AKAP12: variants seen among roughly 807,000 people sequenced by gnomAD.
AKAP12 encodes A-kinase anchor protein 12.
A neutral mutation model predicts 79.9 loss-of-function variants in AKAP12; 32 were observed. The ratio of observed to expected loss-of-function variants is 0.40; its 90% confidence interval spans 0.30 to 0.54. The LOEUF is 0.54. AKAP12 is among the 20% of genes least tolerant of loss of function. The pLI, the probability that AKAP12 is intolerant of heterozygous loss-of-function variation, is 0.48. For synonymous variants in AKAP12, 808 were observed against 857.0 expected (o/e 0.94, Z 1.00); for missense variants, 2,074 against 2,177.0 (o/e 0.95, Z 0.94).
intron 2 of AKAP12, among the ~76,000 whole-genome samples, chr6:151,245,788 T>C (rs1797063435): frequency 6.6e-6 from 1 of 152,170 alleles, no homozygotes; most frequent in African/African-American, 2.4e-5. Flanking sequence ...CTTAAATTTA[T>C]AAGTAGGGTA....
At chr6:151,258,455 T>A (rs188198593) in intron 2 of AKAP12, among the ~76,000 whole-genome samples, 1 of 152,194 alleles carries the variant, frequency 6.6e-6, no homozygotes, top group Non-Finnish European at 1.5e-5. Flanking sequence ...GACAGTCTCA[T>A]AGAAAAGCAA....
intron 2 of AKAP12, among the ~76,000 whole-genome samples, chr6:151,277,405 T>C (rs1372116018): frequency 6.6e-6 from 1 of 152,176 alleles, no homozygotes; most frequent in African/African-American, 2.4e-5. Flanking sequence ...TACTCCTCTT[T>C]AAGAAGTGTT....
chr6:151,259,489 CACAT>C (rs1354932867), intron 2 of AKAP12, among the ~76,000 whole-genome samples: 2 of 74,832 alleles, frequency 2.7e-5, no homozygotes, highest in South Asian at 7.9e-4. Context: ...TATATACACA[CACAT>C]ATACATGTAT....
At chr6:151,286,999 C>A (rs917267030) in intron 2 of AKAP12, among the ~76,000 whole-genome samples, 2 of 151,214 alleles carry the variant, frequency 1.3e-5, no homozygotes, top group African/African-American at 2.4e-5. Context: ...AGTGCAGTGG[C>A]GTGATCTCGG....
Position 151,351,217 on chromosome 6 carries a change from T to C in AKAP12, c.2826T>C (p.Ile942=). The stretch of plus-strand genomic sequence containing the variant: ...AGGAGGTATTGGAAAGAGAAGTAAT[T>C]GCAGAAGAAGAACCCCCCACGGTTA... ...LTEEVLEREV[I]AEEEPPTVTE... is the part of the protein sequence containing the mutation. The change falls in exon 4 of 5, where the codon ATT becomes ATC. Residue 942 remains isoleucine, a synonymous_variant. Coordinates refer to ENST00000402676, the MANE Select transcript of AKAP12 (RefSeq NM_005100.4). The surrounding 1 kb of genome is among the most constrained non-coding windows in gnomAD (Gnocchi z 4.4). 1 of 1,614,172 alleles carries C rather than the reference T, an allele frequency of 6.2e-7. No individual in the cohort carries two copies. Among genetic ancestry groups the C allele is most frequent in the Non-Finnish European group, 8.5e-7 (1 of 1,180,038 alleles).
chr6:151,350,812 CAAG>C lies in AKAP12; in HGVS notation c.2425_2427del (p.Lys809del). ...GTAAAGAAGAATCCTGGGTCTCAAT[CAAG>C]AAGTTTATTCCTGGACGAAGGAAGA... On this transcript the variant is annotated inframe_deletion, in exon 4 of 5. Transcript: ENST00000402676. This position sits in a 1 kb window ranked among gnomAD's most constrained non-coding sequence, Gnocchi z 4.8. 5 of 1,613,986 alleles carry C rather than the reference CAAG, an allele frequency of 3.1e-6. No individual in the cohort carries two copies. Among genetic ancestry groups the C allele is most frequent in the Non-Finnish European group, 4.2e-6 (5 of 1,179,950 alleles).
intron 2 of AKAP12, among the ~76,000 whole-genome samples, chr6:151,295,303 A>G (rs1376115392): frequency 2.6e-5 from 4 of 152,238 alleles, no homozygotes; most frequent in Admixed American, 2.0e-4. Flanking sequence ...CTAAAAGCCA[A>G]CTGATGATTT....
At chr6:151,268,617 A>C (rs1776105555) in intron 2 of AKAP12, among the ~76,000 whole-genome samples, 1 of 152,164 alleles carries the variant, frequency 6.6e-6, no homozygotes. Flanking sequence ...CATTTTGGAA[A>C]AGACTTGTGG....
Position 151,350,184 on chromosome 6 carries a change from C to A in AKAP12, c.1793C>A (p.Ser598Tyr). The A allele has an allele frequency of 6.2e-7, 1 of 1,613,712 alleles. No homozygotes were observed. Among genetic ancestry groups the A allele is most frequent in the East Asian group, 2.2e-5 (1 of 44,832 alleles). Residue 598 changes from serine (S) to tyrosine (Y), a missense_variant, in exon 4 of 5, where the codon TCC becomes TAC. This residue lies in a region of AKAP12 where 1,428 missense variants were observed against 1,451.0 expected (regional missense o/e 0.98). Coordinates refer to ENST00000402676, the MANE Select transcript of AKAP12 (RefSeq NM_005100.4). The surrounding 1 kb of genome is among the most constrained non-coding windows in gnomAD (Gnocchi z 4.8). The part of the protein sequence containing the change: ...QDGEAEEGAT[S>Y]DGEKKREGVT... ...GGGGAAGCTGAAGAAGGAGCTACTT[C>A]CGATGGAGAGAAAAAAAGAGAAGGT...
intron 3 of AKAP12, chr6:151,325,238 C>T (rs1777494150): frequency 1.0e-6 from 1 of 985,398 alleles, no homozygotes. Context: ...GGTGTTGGCA[C>T]CACACCAACC....
intron 2 of AKAP12, chr6:151,280,646 CT>C (rs55889576): frequency 0.33 from 39,281 of 118,954 alleles, 4,813 homozygotes; most frequent in East Asian, 0.66. Context: ...TTTTCATTTT[CT>C]TTTTTTTTTT....
At chr6:151,337,512 G>GAAAAAAAAAAAAAAAAAA (rs565900855) in intron 3 of AKAP12, among the ~76,000 whole-genome samples, 2 of 101,856 alleles carry the variant, frequency 2.0e-5, no homozygotes, top group African/African-American at 9.1e-5. Flanking sequence ...TTTCCGTCTC[G>GAAAAAAAAAAAAAAAAAA]AAAAAAAAAA....
In AKAP12 at chr6:151,350,932, C is replaced by T. The variant is rs1038573425; in HGVS notation, c.2541C>T (p.Val847=). ...ATGACTCTGATGTCCCGGCCGTGGT[C>T]CCTCTGTCTGAGTATGATGCTGTAG... The part of the protein sequence containing the change: ...NEDDSDVPAV[V]PLSEYDAVER... Residue 847 remains valine (V), a synonymous_variant, in exon 4 of 5, where the codon GTC becomes GTT. Coordinates refer to ENST00000402676, the MANE Select transcript of AKAP12 (RefSeq NM_005100.4). The surrounding 1 kb of genome is among the most constrained non-coding windows in gnomAD (Gnocchi z 4.8). 4 of 1,614,010 alleles carry T rather than the reference C, an allele frequency of 2.5e-6. No homozygotes were observed. The highest frequency in any genetic ancestry group is 3.4e-6 in the Non-Finnish European group (4 of 1,180,016).
chr6:151,350,537 G>A lies in AKAP12; in HGVS notation c.2146G>A (p.Glu716Lys), dbSNP rs997432187. Residue 716 changes from glutamate (E) to lysine (K), a missense_variant, in exon 4 of 5, where the codon GAG (glutamate) becomes AAG (lysine). By Grantham distance (56) the Glu-to-Lys change is moderately conservative (BLOSUM62 1). Coordinates refer to ENST00000402676, the MANE Select transcript of AKAP12 (RefSeq NM_005100.4). The surrounding 1 kb of genome is among the most constrained non-coding windows in gnomAD (Gnocchi z 4.8). Reference protein sequence around the residue: ...AMGGDHQKADEAGKDKETGTD... With the variant: ...AMGGDHQKADKAGKDKETGTD... The stretch of plus-strand genomic sequence containing the variant: ...GGGAGGAGACCACCAGAAAGCTGAT[G>A]AGGCCGGAAAAGACAAAGAGACGGG... The A allele has an allele frequency of 6.2e-7, 1 of 1,614,034 alleles. No homozygotes were observed. Among genetic ancestry groups the A allele is most frequent in the Non-Finnish European group, 8.5e-7 (1 of 1,180,052 alleles).
rs1271551840 is a variant in AKAP12 at position 151,305,660 on chromosome 6, TG to T, written c.163-85del. ...CTTTTCTCTGTATTTCTTCTTTCAC[TG>T]GTTTGTATTCTGGAAGTTAATGCCT... On this transcript the variant is annotated intron_variant, in intron 2 of 4. Transcript: ENST00000402676. 3.7e-5 allele frequency: 48 copies of T among 1,289,966 alleles called. No homozygotes were observed. The East Asian group carries it at 1.1e-3, about 29-fold the overall frequency. 79.9% of individuals were successfully genotyped at this position (1,289,966 alleles called of 1,614,324 possible).
At position 151,270,038 on chromosome 6, in the gene AKAP12, G is replaced by A. The variant is rs117663199; in HGVS notation, c.162+29314G>A. Among the ~76,000 whole-genome samples the A allele has an allele frequency of 1.2e-3, 183 of 152,202 alleles. 3 individuals carry two copies. In the East Asian group the frequency reaches 0.032, roughly 26 times the overall value. On this transcript the variant is annotated intron_variant, in intron 2 of 4. Transcript: ENST00000402676. ...TTGCAAGATTCATCCATGTTATAGC[G>A]TACATCAGTACTTCCTGTTTTGTTG...
chr6:151,254,870 T>C (rs1341982752), intron 2 of AKAP12, among the ~76,000 whole-genome samples: 1 of 152,210 alleles, frequency 6.6e-6, no homozygotes, highest in Non-Finnish European at 1.5e-5. Context: ...AATCTCTGCA[T>C]GACAGGGAGG....
intron 2 of AKAP12, among the ~76,000 whole-genome samples, chr6:151,259,397 A>AGCATATATATTTATATGT (rs1797365160): frequency 6.7e-6 from 1 of 149,848 alleles, no homozygotes; most frequent in Non-Finnish European, 1.5e-5. Flanking sequence ...TTTAAAAAAT[A>AGCATATATATTTATATGT]GCATATATAT....
intron 2 of AKAP12, among the ~76,000 whole-genome samples, chr6:151,250,114 A>T (rs1260426461): frequency 1.3e-5 from 2 of 150,790 alleles, no homozygotes; most frequent in African/African-American, 4.9e-5. Context: ...GTGTGGTGGC[A>T]CATGCCTGTA....
Sources: allele counts gnomAD v4.1 joint callset (sites outside exome capture counted in the v4.1 genomes callset), GRCh38; gene constraint gnomAD v4.1.1; regional missense constraint gnomAD v4.1.1; non-coding constraint Gnocchi (gnomAD v3.1); transcripts MANE v1.5; gene names NCBI Gene and HGNC (gene_info 2026-07-23, HGNC 2026-07-21).